The following CSMD3 variants were observed in gnomAD, a reference collection of about 807,000 sequenced individuals.
The protein encoded by CSMD3 is CUB and Sushi multiple domains 3, also known as CUB and sushi domain-containing protein 3.
In CSMD3, 177 loss-of-function variants were observed where a neutral mutation model predicts 435.2. The ratio of observed to expected loss-of-function variants is 0.41; its 90% confidence interval spans 0.36 to 0.46. CSMD3 has a LOEUF of 0.46. Ranked by LOEUF, CSMD3 falls within the 20% of genes least tolerant of loss-of-function variation. CSMD3 has a pLI of 0.34. For synonymous variants in CSMD3, 1,656 were observed against 1,520.5 expected, an observed-to-expected ratio of 1.09 and a Z score of -2.07; for missense variants, 4,265 against 4,504.6, an observed-to-expected ratio of 0.95 and a Z score of 1.52.
chr8:112,575,776 C>T (rs1829893368), intron 23 of CSMD3, among the ~76,000 whole-genome samples: 1 of 152,042 alleles, frequency 6.6e-6, no homozygotes, highest in East Asian at 1.9e-4. Context: ...GAAAACCTTG[C>T]TTGTGGCAAA....
chr8:113,170,301 T>C (rs926444643), intron 4 of CSMD3, among the ~76,000 whole-genome samples: 1 of 151,970 alleles, frequency 6.6e-6, no homozygotes, highest in Non-Finnish European at 1.5e-5. Context: ...ATGAAAAAAA[T>C]TGGTTAGTGA....
chr8:112,303,837 C>T (rs558228567), intron 52 of CSMD3, among the ~76,000 whole-genome samples: 2 of 152,006 alleles, frequency 1.3e-5, no homozygotes, highest in Non-Finnish European at 2.9e-5. Context: ...ATCATAATAA[C>T]CCTAGGTAGA....
At position 112,224,938 on chromosome 8, in the gene CSMD3, T is replaced by G; in HGVS notation, c.10965-8A>C. On this transcript the variant is annotated splice_region_variant and splice_polypyrimidine_tract_variant and intron_variant, in intron 70 of 70. Coordinates refer to ENST00000297405, the MANE Select transcript of CSMD3 (RefSeq NM_198123.2). ...TGTGTTTTAGGTGCAGTCCTGTTGA[T>G]GAGAACATTGATTAGCTATGTGTTA... The G allele has an allele frequency of 6.2e-7, 1 of 1,613,610 alleles. No individual in the cohort carries two copies. The highest frequency in any genetic ancestry group is 2.2e-5 in the East Asian group (1 of 44,872).
At chr8:112,500,040 C>G (rs1470257304) in intron 30 of CSMD3, among the ~76,000 whole-genome samples, 2 of 151,842 alleles carry the variant, frequency 1.3e-5, no homozygotes, top group African/African-American at 4.8e-5. Context: ...ATCCGGGATG[C>G]AAAGGTTGCG....
intron 5 of CSMD3, among the ~76,000 whole-genome samples, chr8:113,095,137 T>C (rs2090125006): frequency 6.6e-6 from 1 of 152,052 alleles, no homozygotes; most frequent in Admixed American, 6.6e-5. Context: ...CCCTGAACAA[T>C]TTATTCATAA....
At chr8:113,427,326 C>T (rs2094641711) in intron 1 of CSMD3, among the ~76,000 whole-genome samples, 1 of 151,232 alleles carries the variant, frequency 6.6e-6, no homozygotes, top group South Asian at 2.1e-4. Context: ...CTTTAGATTG[C>T]ATGTGAAGTT....
At chr8:113,069,765 G>C (rs2089022592) in intron 5 of CSMD3, among the ~76,000 whole-genome samples, 1 of 152,212 alleles carries the variant, frequency 6.6e-6, no homozygotes, top group Non-Finnish European at 1.5e-5. Context: ...CAAGACAACA[G>C]AGTACGGGTA....
intron 5 of CSMD3, among the ~76,000 whole-genome samples, chr8:113,096,768 G>A (rs993665337): frequency 6.6e-6 from 1 of 151,888 alleles, no homozygotes; most frequent in East Asian, 1.9e-4. Flanking sequence ...GGCCCACTCT[G>A]CTTTAAGTAT....
intron 13 of CSMD3, among the ~76,000 whole-genome samples, chr8:112,776,252 G>T (rs1456960911): frequency 6.6e-6 from 1 of 151,584 alleles, no homozygotes; most frequent in Admixed American, 6.6e-5. Context: ...ACAAAATAAG[G>T]TTCTTACCCA....
chr8:112,380,383 A>C lies in CSMD3; in HGVS notation c.6105T>G (p.Val2035=). 1 of 1,596,244 alleles carries C rather than the reference A, an allele frequency of 6.3e-7. No individual in the cohort carries two copies. Among genetic ancestry groups the C allele is most frequent in the Non-Finnish European group, 8.6e-7 (1 of 1,164,122 alleles). Residue 2035 remains valine (V), a synonymous_variant, in exon 38 of 71, where the codon GTT becomes GTG. Transcript: ENST00000297405. ...ATTCAAGATGAAATCCTGCAGCAGA[A>C]ACACTGATGTCTGATTGAAAATTTA... ...LYLNFQSDIS[V]SAAGFHLEYT...
chr8:112,740,956 G>GAA (rs1264052713), intron 13 of CSMD3, among the ~76,000 whole-genome samples: 1 of 151,930 alleles, frequency 6.6e-6, no homozygotes, highest in Non-Finnish European at 1.5e-5. Flanking sequence ...AGTCAAAGGA[G>GAA]AAATGTTTTT....
chr8:112,994,911 T>C (rs1288850398), intron 6 of CSMD3, among the ~76,000 whole-genome samples: 3 of 151,708 alleles, frequency 2.0e-5, no homozygotes, highest in East Asian at 3.9e-4. Flanking sequence ...TTTATTCTTA[T>C]ATTTGAAAAG....
chr8:112,378,863 C>T (rs1419813635), intron 38 of CSMD3, among the ~76,000 whole-genome samples: 1 of 150,656 alleles, frequency 6.6e-6, no homozygotes, highest in East Asian at 2.0e-4. Flanking sequence ...ATACAATTAC[C>T]CTGATTTAAT....
At chr8:113,299,270 A>C (rs2093745407) in intron 2 of CSMD3, among the ~76,000 whole-genome samples, 1 of 152,228 alleles carries the variant, frequency 6.6e-6, no homozygotes, top group South Asian at 2.1e-4. Context: ...ATTTGTAAAT[A>C]AGATAGTGTT....
intron 41 of CSMD3, among the ~76,000 whole-genome samples, chr8:112,345,506 C>G (rs917133252): frequency 6.6e-6 from 1 of 152,064 alleles, no homozygotes; most frequent in African/African-American, 2.4e-5. Context: ...AGACATATCA[C>G]ATGATCTCAC....
intron 1 of CSMD3, among the ~76,000 whole-genome samples, chr8:113,349,755 T>C (rs1295632070): frequency 6.6e-6 from 1 of 152,158 alleles, no homozygotes; most frequent in Non-Finnish European, 1.5e-5. Context: ...ATATCTACTT[T>C]CAGAAACAAT....
At chr8:112,824,279 A>T (rs1254112927) in intron 12 of CSMD3, among the ~76,000 whole-genome samples, 4 of 152,088 alleles carry the variant, frequency 2.6e-5, no homozygotes, top group Non-Finnish European at 5.9e-5. Context: ...TTGTCTTTTA[A>T]CTGGGGCATT....
intron 1 of CSMD3, among the ~76,000 whole-genome samples, chr8:113,334,369 T>C (rs2094054012): frequency 6.6e-6 from 1 of 150,662 alleles, no homozygotes; most frequent in Non-Finnish European, 1.5e-5. Flanking sequence ...AATCTCTTAA[T>C]ATGGTGGATG....
At position 112,337,723 on chromosome 8, in the gene CSMD3, A is replaced by G; in HGVS notation, c.6661T>C (p.Leu2221=). ...GGGCGTGGATCAGGACAGCTTTGCAACTGATAGGCTGGAAAGAGGAAAAAG... is the reference window on the plus strand; with the variant it reads ...GGGCGTGGATCAGGACAGCTTTGCAGCTGATAGGCTGGAAAGAGGAAAAAG... ...GFHIVYQAYQ[L]QSCPDPRPFR... is the part of the protein sequence containing the mutation. The change falls in exon 43 of 71, where the codon TTG becomes CTG. Residue 2221 remains leucine (L), a synonymous_variant. Transcript: ENST00000297405. The G allele has an allele frequency of 6.2e-7, 1 of 1,611,150 alleles. No homozygotes were observed. The highest frequency in any genetic ancestry group is 8.5e-7 in the Non-Finnish European group (1 of 1,177,574).
Sources: gnomAD v4.1 joint callset for allele counts (sites outside exome capture counted in the v4.1 genomes callset) on GRCh38, gnomAD v4.1.1 for gene constraint, MANE v1.5 for transcripts, NCBI Gene and HGNC (gene_info 2026-07-23, HGNC 2026-07-21) for gene names.